The following RIMS2 variants were observed in gnomAD, a reference collection of about 807,000 sequenced individuals.
RIMS2 encodes the protein regulating synaptic membrane exocytosis protein 2.
RIMS2 carries 59 observed loss-of-function variants against 174.4 expected under a neutral mutation model. That is an observed-to-expected ratio of 0.34 (90% CI 0.27 to 0.42). The LOEUF (loss-of-function observed/expected upper bound fraction) is 0.42. Among genes scored for constraint, RIMS2 ranks in the 10% least tolerant of loss-of-function variants. The pLI is 1.00. For missense variants in RIMS2, 1,620 were observed against 1,666.3 expected (o/e 0.97, Z 0.48); for synonymous variants, 606 against 572.5 (o/e 1.06, Z -0.84).
chr8:103,859,787 C>G (rs1008427181), intron 3 of RIMS2, among the ~76,000 whole-genome samples: 18 of 152,034 alleles, frequency 1.2e-4, no homozygotes, highest in African/African-American at 4.3e-4. Context: ...GTTATGTGGT[C>G]TAGCAGTCCA....
chr8:103,789,929 T>G (rs925868506), intron 3 of RIMS2, among the ~76,000 whole-genome samples: 15 of 152,026 alleles, frequency 9.9e-5, no homozygotes, highest in African/African-American at 3.4e-4. Flanking sequence ...TTTTTTTCTA[T>G]TTTTAAACTC....
At chr8:103,549,718 G>A (rs896718932) in intron 1 of RIMS2, among the ~76,000 whole-genome samples, 17 of 152,162 alleles carry the variant, frequency 1.1e-4, no homozygotes, top group Admixed American at 3.3e-4. Context: ...GCTGTATTCA[G>A]GAGACCCATC....
intron 19 of RIMS2, among the ~76,000 whole-genome samples, chr8:104,031,831 T>C (rs188601536): frequency 2.0e-5 from 3 of 152,280 alleles, no homozygotes; most frequent in South Asian, 2.1e-4. Flanking sequence ...TTTCATGCTT[T>C]TTAAAATGCG....
At position 104,014,558 on chromosome 8, in the gene RIMS2, G is replaced by A. The variant is rs751622966; in HGVS notation, c.3277G>A (p.Ala1093Thr). 44 of 1,613,080 alleles carry A rather than the reference G, an allele frequency of 2.7e-5. No individual in the cohort carries two copies. The highest frequency in any genetic ancestry group is 8.3e-5 in the Admixed American group (5 of 59,954). ...GACAAGCCCATCAAGTACTCCAGTC[G>A]CAGGACGAAGGGGCCGACAGCTTCC... Residue 1093 changes from alanine (A) to threonine (T), a missense_variant, in exon 19 of 24, where the codon GCA (alanine) becomes ACA (threonine). By Grantham distance (58) the Ala-to-Thr change is moderately conservative. Coordinates refer to ENST00000504942, the Ensembl canonical transcript of RIMS2.
intron 9 of RIMS2, among the ~76,000 whole-genome samples, chr8:103,920,548 G>C (rs1391393999): frequency 6.6e-6 from 1 of 152,058 alleles, no homozygotes; most frequent in Non-Finnish European, 1.5e-5. Flanking sequence ...CCACTCTACA[G>C]GTTAATTTCC....
rs1036124315 is a variant in RIMS2, at chr8:103,922,336, A to C, written c.2196+552A>C. ...CTAAATACTTCAGATAACTTTGCACATTAAGTGATCCCTGATTTGAACATT... is the reference window on the plus strand; with the variant it reads ...CTAAATACTTCAGATAACTTTGCACCTTAAGTGATCCCTGATTTGAACATT... On this transcript the variant is annotated intron_variant, in intron 10 of 23. Transcript: ENST00000504942. 7.2e-5 allele frequency among the ~76,000 whole-genome samples: 11 copies of C among 152,070 alleles called. No individual in the cohort carries two copies. In the East Asian group the frequency reaches 2.1e-3, roughly 29 times the overall value.
intron 1 of RIMS2, among the ~76,000 whole-genome samples, chr8:103,572,341 T>C (rs1408810650): frequency 2.6e-5 from 4 of 152,136 alleles, no homozygotes; most frequent in Non-Finnish European, 4.4e-5. Context: ...TATTTGGCCC[T>C]GCGCACGCCT....
chr8:103,979,937 T>C (rs1208045528), intron 16 of RIMS2, among the ~76,000 whole-genome samples: 2 of 152,154 alleles, frequency 1.3e-5, no homozygotes, highest in African/African-American at 4.8e-5. Flanking sequence ...CAGTCAGAAC[T>C]TAAGTTTCTT....
rs1823137036 is a variant in RIMS2, at chr8:103,505,650, T to C, written c.176+4588T>C. On this transcript the variant is annotated intron_variant, in intron 1 of 23. Coordinates refer to ENST00000504942, the Ensembl canonical transcript of RIMS2. ...AAACAAAGTTGTTGGGCCAAAGGGT[T>C]AGTATATTTTAAATTTAATAAATAT... 3.3e-5 allele frequency among the ~76,000 whole-genome samples: 5 copies of C among 152,314 alleles called. No individual in the cohort carries two copies. The South Asian group carries it at 1.0e-3, about 32-fold the overall frequency.
At chr8:103,872,067 CT>C (rs748265979) in intron 3 of RIMS2, among the ~76,000 whole-genome samples, 4 of 152,136 alleles carry the variant, frequency 2.6e-5, no homozygotes, top group African/African-American at 4.8e-5. Flanking sequence ...TGACAACAAG[CT>C]TACCAAAGAA....
chr8:103,547,099 G>A (rs755084107), intron 1 of RIMS2, among the ~76,000 whole-genome samples: 1 of 152,144 alleles, frequency 6.6e-6, no homozygotes, highest in Non-Finnish European at 1.5e-5. Context: ...GTTTACAGAG[G>A]TAAAAGATGT....
intron 19 of RIMS2, among the ~76,000 whole-genome samples, chr8:104,061,043 T>A (rs1313188853): frequency 6.6e-6 from 1 of 152,218 alleles, no homozygotes; most frequent in Non-Finnish European, 1.5e-5. Context: ...AAATGTATAT[T>A]CCGTTGATTT....
chr8:104,151,774 C>T (rs2134120702), intron 19 of RIMS2, among the ~76,000 whole-genome samples: 1 of 152,248 alleles, frequency 6.6e-6, no homozygotes, highest in South Asian at 2.1e-4. Context: ...AATACTTAAA[C>T]TCATGAACGT....
chr8:103,520,989 T>C (rs2130428988), intron 1 of RIMS2, among the ~76,000 whole-genome samples: 1 of 152,202 alleles, frequency 6.6e-6, no homozygotes, highest in Non-Finnish European at 1.5e-5. Context: ...TCCATGTCCC[T>C]ACAAAGGACA....
chr8:103,757,646 A>G (rs1427435251), intron 2 of RIMS2, among the ~76,000 whole-genome samples: 2 of 152,234 alleles, frequency 1.3e-5, no homozygotes, highest in African/African-American at 2.4e-5. Context: ...ATGGCCCCCA[A>G]CTCTTCTCTT....
At chr8:103,742,567 C>T (rs1437602124) in intron 2 of RIMS2, among the ~76,000 whole-genome samples, 1 of 152,030 alleles carries the variant, frequency 6.6e-6, no homozygotes, top group African/African-American at 2.4e-5. Flanking sequence ...ACGCAATAAC[C>T]CTTTTTGTCA....
At chr8:104,100,877 A>T (rs1391150623) in intron 19 of RIMS2, among the ~76,000 whole-genome samples, 3 of 140,690 alleles carry the variant, frequency 2.1e-5, no homozygotes, top group Non-Finnish European at 3.0e-5. Context: ...TATATATGTA[A>T]TATATATCAT....
At chr8:103,751,139 T>A (rs2097884636) in intron 2 of RIMS2, among the ~76,000 whole-genome samples, 1 of 152,082 alleles carries the variant, frequency 6.6e-6, no homozygotes, top group Non-Finnish European at 1.5e-5. Flanking sequence ...CCAATAAACC[T>A]CTTTCTTTTG....
chr8:103,617,704 AGAC>A (rs750949435), intron 1 of RIMS2, among the ~76,000 whole-genome samples: 88 of 152,346 alleles, frequency 5.8e-4, no homozygotes, highest in Non-Finnish European at 1.1e-3. Context: ...GAACATGATC[AGAC>A]ACTTCTCAAA....
Sources: gnomAD v4.1 joint callset for allele counts (sites outside exome capture counted in the v4.1 genomes callset) on GRCh38, gnomAD v4.1.1 for gene constraint, MANE v1.5 for transcripts, NCBI Gene and HGNC (gene_info 2026-07-23, HGNC 2026-07-21) for gene names.